Variants in PBX1 observed in about 807,000 individuals in gnomAD.
PBX1 encodes PBX homeobox 1, also known as pre-B-cell leukemia transcription factor 1.
A neutral mutation model predicts 53.4 loss-of-function variants in PBX1; 6 were observed. The ratio of observed to expected loss-of-function variants is 0.11; its 90% CI spans 0.06 to 0.22. PBX1 has a LOEUF of 0.22. PBX1 is among the 10% of genes least tolerant of loss of function. The probability of loss-of-function intolerance (pLI) is 1.00; values close to 1 mark genes in which losing one functional copy is unlikely to be tolerated. For synonymous variants in PBX1, 204 were observed against 212.3 expected, an observed-to-expected ratio of 0.96 and a Z score of 0.34; for missense variants, 251 against 551.4, an observed-to-expected ratio of 0.46 and a Z score of 5.46.
intron 2 of PBX1, among the ~76,000 whole-genome samples, chr1:164,677,709 C>T (rs185564744): frequency 1.3e-3 from 197 of 152,062 alleles, no homozygotes; most frequent in African/African-American, 4.5e-3. Context: ...ACATAGAAAT[C>T]TTAGTGTGTG....
intron 2 of PBX1, among the ~76,000 whole-genome samples, chr1:164,721,910 G>A (rs531842349): frequency 6.6e-6 from 1 of 152,242 alleles, no homozygotes; most frequent in East Asian, 1.9e-4. Context: ...TCCAACAGTG[G>A]ACAGAACACA....
At chr1:164,815,621 G>A (rs892446193) in intron 6 of PBX1, 1 of 152,236 alleles carries the variant, frequency 6.6e-6, no homozygotes, top group Non-Finnish European at 1.5e-5. Context: ...GGCAGAAGGT[G>A]AAGGGGAAGC....
chr1:164,769,358 T>C (rs1667245928), intron 2 of PBX1: 1 of 152,328 alleles, frequency 6.6e-6, no homozygotes, highest in Admixed American at 6.5e-5. Context: ...TTTGTGGTCC[T>C]GCAGGGTAAA....
chr1:164,705,170 A>T lies in PBX1; in HGVS notation c.266-87324A>T, dbSNP rs115288883. On this transcript the variant is annotated intron_variant, in intron 2 of 8. Transcript: ENST00000420696. ...ACCCATAGATGCCAGCAGCATCCCC[A>T]CTCCCCCATTGTGAGAACCAAAAAT... Among the ~76,000 whole-genome samples, 1,152 of 151,966 alleles carry T rather than the reference A, an allele frequency of 7.6e-3. 18 individuals are homozygous for T. Among genetic ancestry groups the T allele is most frequent in the African/African-American group, 0.027 (1,101 of 41,440 alleles).
At chr1:164,613,159 C>T (rs957865064) in intron 2 of PBX1, among the ~76,000 whole-genome samples, 2 of 152,084 alleles carry the variant, frequency 1.3e-5, no homozygotes, top group South Asian at 4.2e-4. Flanking sequence ...CTGCACCTTG[C>T]TTTTATTTAT....
At chr1:164,797,052 C>G (rs963899562) in intron 3 of PBX1, among the ~76,000 whole-genome samples, 4 of 152,180 alleles carry the variant, frequency 2.6e-5, no homozygotes, top group Non-Finnish European at 5.9e-5. Flanking sequence ...GAACTTTGCT[C>G]TCTGTTGTGT....
chr1:164,880,970 G>A (rs979551191), intron 2 of PBX1, among the ~76,000 whole-genome samples: 5 of 152,222 alleles, frequency 3.3e-5, no homozygotes, highest in Admixed American at 6.5e-5. Flanking sequence ...AAACCCCTCT[G>A]ACTAGGAGCG....
intron 8 of PBX1, among the ~76,000 whole-genome samples, chr1:164,822,742 G>A (rs560914579): frequency 6.6e-6 from 1 of 152,304 alleles, no homozygotes; most frequent in Admixed American, 6.5e-5. Context: ...TGTAAGGCAT[G>A]CTAACACTAT....
At chr1:164,685,289 T>A (rs534628014) in intron 2 of PBX1, among the ~76,000 whole-genome samples, 18 of 152,334 alleles carry the variant, frequency 1.2e-4, no homozygotes, top group African/African-American at 4.1e-4. Flanking sequence ...TGGAAATGGC[T>A]TTTTTGGTAT....
At chr1:164,821,843 G>C (rs1021973122) in intron 8 of PBX1, among the ~76,000 whole-genome samples, 4 of 152,084 alleles carry the variant, frequency 2.6e-5, no homozygotes, top group African/African-American at 9.7e-5. Flanking sequence ...GGCGTCTAGG[G>C]CTGTCAGACG....
intron 2 of PBX1, among the ~76,000 whole-genome samples, chr1:164,640,803 C>G (rs956785637): frequency 4.6e-5 from 7 of 152,084 alleles, no homozygotes; most frequent in Admixed American, 4.6e-4. Context: ...GGCAATCCGC[C>G]TGTCTTGGCC....
Position 164,849,608 on chromosome 1 carries a change from T to C in PBX1, c.*2932T>C, listed in dbSNP as rs1671735872. ...ACAGCGAATTTCCCCTGAGAAACGATACTAGACCCTGGGTTTGCCCACCTT... is the reference window on the plus strand; with the variant it reads ...ACAGCGAATTTCCCCTGAGAAACGACACTAGACCCTGGGTTTGCCCACCTT... On this transcript the variant is annotated 3_prime_UTR_variant, in exon 9 of 9. Coordinates refer to ENST00000420696, the MANE Select transcript of PBX1 (RefSeq NM_002585.4). The C allele has an allele frequency of 5.8e-6, 4 of 692,150 alleles. No individual in the cohort carries two copies. Among genetic ancestry groups the C allele is most frequent in the Non-Finnish European group, 9.1e-6 (4 of 439,924 alleles). The allele number at this position is 692,150 out of a possible 1,614,324, so 42.9% of individuals were successfully genotyped here.
chr1:164,612,629 T>G (rs576469598), intron 2 of PBX1, among the ~76,000 whole-genome samples: 24 of 152,288 alleles, frequency 1.6e-4, no homozygotes, highest in African/African-American at 3.6e-4. Context: ...CATTTTTTTT[T>G]TGTGAATGAA....
chr1:164,881,168 G>A (rs2102465458), intron 2 of PBX1, among the ~76,000 whole-genome samples: 1 of 152,302 alleles, frequency 6.6e-6, no homozygotes, highest in Middle Eastern at 3.4e-3. Context: ...CTGGAGAGAA[G>A]TGGGGATTTT....
At chr1:164,577,806 C>A (rs1441342233) in intron 2 of PBX1, among the ~76,000 whole-genome samples, 1 of 152,166 alleles carries the variant, frequency 6.6e-6, no homozygotes, top group Admixed American at 6.5e-5. Flanking sequence ...AGTCTCTGAT[C>A]CACCAGCTGG....
At chr1:164,676,294 A>C (rs1016681654) in intron 2 of PBX1, among the ~76,000 whole-genome samples, 5 of 151,984 alleles carry the variant, frequency 3.3e-5, no homozygotes, top group Admixed American at 2.6e-4. Flanking sequence ...AGACACCTTA[A>C]GATACTAGAT....
chr1:164,732,706 A>G (rs993080608), intron 2 of PBX1, among the ~76,000 whole-genome samples: 1 of 152,080 alleles, frequency 6.6e-6, no homozygotes, highest in Non-Finnish European at 1.5e-5. Context: ...CTCTACCTGT[A>G]CACCTCATAC....
At chr1:164,701,124 CTT>C (rs1467248441) in intron 2 of PBX1, among the ~76,000 whole-genome samples, 1 of 152,088 alleles carries the variant, frequency 6.6e-6, no homozygotes, top group Non-Finnish European at 1.5e-5. Context: ...TCAGGAGACT[CTT>C]TGCCTTTTTG....
chr1:164,563,038 CCT>C, intron 1 of PBX1, 198 bp from the exon 2 acceptor site: 1 of 387,814 alleles, frequency 2.6e-6, no homozygotes, highest in Non-Finnish European at 4.6e-6. Flanking sequence ...AAATCCCTAC[CCT>C]CTCCCTGCTA....
Sources: allele counts gnomAD v4.1 joint callset (sites outside exome capture counted in the v4.1 genomes callset), GRCh38; gene constraint gnomAD v4.1.1; transcripts MANE v1.5; gene names NCBI Gene and HGNC (gene_info 2026-07-23, HGNC 2026-07-21).